The following PRR16 variants were observed in gnomAD, a reference collection of about 807,000 sequenced individuals.
The protein encoded by PRR16 is protein Largen.
Under a neutral mutation model 18.2 loss-of-function variants are expected in PRR16, and 6 were observed. That is an observed-to-expected ratio of 0.33 (90% CI 0.18 to 0.65). The LOEUF (loss-of-function observed/expected upper bound fraction) is 0.65, where lower values mean the gene tolerates loss of function less well. Among genes scored for constraint, PRR16 ranks in the 30% least tolerant of loss-of-function variants. The pLI is 0.74. For synonymous variants in PRR16, 151 were observed against 147.8 expected (o/e 1.02, Z -0.16); for missense variants, 412 against 376.6 (o/e 1.09, Z -0.78).
chr5:120,682,833 T>G (rs1757012026), intron 1 of PRR16, among the ~76,000 whole-genome samples: 1 of 152,198 alleles, frequency 6.6e-6, no homozygotes, highest in African/African-American at 2.4e-5. Flanking sequence ...AGAATCAAAT[T>G]GGAGAGAAAA....
At chr5:120,613,156 G>A (rs1422936718) in intron 1 of PRR16, among the ~76,000 whole-genome samples, 2 of 152,108 alleles carry the variant, frequency 1.3e-5, no homozygotes, top group African/African-American at 2.4e-5. Flanking sequence ...TGGCTATAAT[G>A]TCAAGTAAAA....
the PRR16 span, among the ~76,000 whole-genome samples, chr5:120,768,589 A>C: frequency 6.6e-6 from 1 of 151,688 alleles, no homozygotes; most frequent in African/African-American, 2.4e-5. Flanking sequence ...AATACACTTT[A>C]CTCATCGTAT....
the PRR16 span, among the ~76,000 whole-genome samples, chr5:120,758,095 A>T: frequency 2.6e-5 from 4 of 152,142 alleles, no homozygotes; most frequent in Admixed American, 6.6e-5. Context: ...CTTTATTAAC[A>T]TTATTAACTA....
intron 1 of PRR16, among the ~76,000 whole-genome samples, chr5:120,628,534 G>A (rs1754941995): frequency 6.6e-6 from 1 of 152,030 alleles, no homozygotes; most frequent in South Asian, 2.1e-4. Flanking sequence ...CGGTGATAAA[G>A]TGAAAAGGAT....
At chr5:120,489,971 A>G (rs1312900084) in intron 1 of PRR16, among the ~76,000 whole-genome samples, 1 of 152,152 alleles carries the variant, frequency 6.6e-6, no homozygotes, top group East Asian at 1.9e-4. Context: ...AGAATGTTGA[A>G]TATTGGCCCC....
chr5:120,654,954 A>T (rs1273630783), intron 1 of PRR16, among the ~76,000 whole-genome samples: 2 of 151,974 alleles, frequency 1.3e-5, no homozygotes, highest in Non-Finnish European at 2.9e-5. Flanking sequence ...ACGATCAAAA[A>T]CATAATATAT....
At chr5:120,793,330 C>A in the PRR16 span, among the ~76,000 whole-genome samples, 1 of 151,492 alleles carries the variant, frequency 6.6e-6, no homozygotes, top group Non-Finnish European at 1.5e-5. Flanking sequence ...TAAGACCCTG[C>A]CTCAGAAAAA....
the PRR16 span, among the ~76,000 whole-genome samples, chr5:120,733,993 GA>G: frequency 7.3e-5 from 11 of 150,686 alleles, no homozygotes; most frequent in South Asian, 2.1e-4. Flanking sequence ...TGTGTAGGCA[GA>G]AAAAAAAATC....
At chr5:120,718,186 G>T in the PRR16 span, among the ~76,000 whole-genome samples, 2 of 152,114 alleles carry the variant, frequency 1.3e-5, no homozygotes, top group Admixed American at 6.6e-5. Flanking sequence ...ACATCCTGCA[G>T]TGAAACCTAG....
At chr5:120,712,911 T>C in the PRR16 span, among the ~76,000 whole-genome samples, 3 of 152,132 alleles carry the variant, frequency 2.0e-5, no homozygotes, top group Non-Finnish European at 2.9e-5. Flanking sequence ...GGAGACAATA[T>C]AGAGGTTTCT....
At chr5:120,662,173 C>A (rs1040754626) in intron 1 of PRR16, among the ~76,000 whole-genome samples, 1 of 152,044 alleles carries the variant, frequency 6.6e-6, no homozygotes, top group African/African-American at 2.4e-5. Context: ...GTATATTTTT[C>A]AAGGTGACAG....
At chr5:120,757,199 A>G in the PRR16 span, among the ~76,000 whole-genome samples, 1 of 151,966 alleles carries the variant, frequency 6.6e-6, no homozygotes. Flanking sequence ...TACCACTACC[A>G]TGATGTTTTG....
chr5:120,486,509 T>C (rs1749805915), intron 1 of PRR16, among the ~76,000 whole-genome samples: 1 of 152,070 alleles, frequency 6.6e-6, no homozygotes, highest in Admixed American at 6.6e-5. Context: ...TTTTTTCCTG[T>C]AAATTTGTTT....
intron 1 of PRR16, among the ~76,000 whole-genome samples, chr5:120,499,468 A>G (rs897698827): frequency 2.6e-5 from 4 of 151,988 alleles, no homozygotes; most frequent in African/African-American, 9.7e-5. Context: ...TGTTGTTCAC[A>G]TTGGATGATT....
chr5:120,586,265 G>C (rs1011217652), intron 1 of PRR16, among the ~76,000 whole-genome samples: 4 of 151,912 alleles, frequency 2.6e-5, no homozygotes, highest in African/African-American at 9.7e-5. Flanking sequence ...TAATTGACTG[G>C]GTTATAGGTC....
chr5:120,568,557 C>T (rs1222501397), intron 1 of PRR16, among the ~76,000 whole-genome samples: 2 of 152,128 alleles, frequency 1.3e-5, no homozygotes, highest in Non-Finnish European at 2.9e-5. Context: ...CTTTCTCTAC[C>T]ACCTAATCAA....
intron 1 of PRR16, chr5:120,618,648 C>A: frequency 1.4e-6 from 1 of 716,662 alleles, no homozygotes; most frequent in Non-Finnish European, 1.7e-6. Context: ...TTGATTATCT[C>A]AGGATAAAGA....
chr5:120,643,464 T>C (rs1295320982), intron 1 of PRR16, among the ~76,000 whole-genome samples: 2 of 152,110 alleles, frequency 1.3e-5, no homozygotes, highest in Non-Finnish European at 2.9e-5. Context: ...AATGAGAACA[T>C]GATTTTTAAA....
the PRR16 span, among the ~76,000 whole-genome samples, chr5:120,698,401 G>A: frequency 6.6e-6 from 1 of 151,994 alleles, no homozygotes; most frequent in Non-Finnish European, 1.5e-5. Flanking sequence ...AGTGCCTAAG[G>A]GGTTTCAGCA....
Sources: allele counts gnomAD v4.1 joint callset (sites outside exome capture counted in the v4.1 genomes callset), GRCh38; gene constraint gnomAD v4.1.1; transcripts MANE v1.5; gene names NCBI Gene and HGNC (gene_info 2026-07-23, HGNC 2026-07-21).